The following CAVIN2 variants were observed in gnomAD, a reference collection of about 807,000 sequenced individuals.
CAVIN2 encodes the protein caveolae-associated protein 2.
In CAVIN2, 13 loss-of-function variants were observed where a neutral mutation model predicts 11.7. The ratio of observed to expected loss-of-function variants is 1.11; its 90% confidence interval spans 0.72 to 1.77. CAVIN2 has a LOEUF of 1.77. CAVIN2 is among the 40% of genes most tolerant of loss of function. The pLI, the probability that CAVIN2 is intolerant of heterozygous loss-of-function variation, is 0.00. For missense variants in CAVIN2, 549 were observed against 542.9 expected, an observed-to-expected ratio of 1.01 and a Z score of -0.11; for synonymous variants, 237 against 223.2, an observed-to-expected ratio of 1.06 and a Z score of -0.55.
In CAVIN2 at chr2:191,834,677, T is replaced by G. The variant is rs965060225; in HGVS notation, c.*1246A>C. ...TAAAATTACCCTGTCTGAATATATG[T>G]GTACATATACATAAAACGCTAGCAT... On this transcript the variant is annotated 3_prime_UTR_variant, in exon 2 of 2. Coordinates refer to ENST00000304141, the MANE Select transcript of CAVIN2 (RefSeq NM_004657.6). The G allele has an allele frequency of 2.0e-5, 3 of 152,192 alleles. No individual in the cohort carries two copies. Among genetic ancestry groups the G allele is most frequent in the African/African-American group, 7.2e-5 (3 of 41,460 alleles). The allele number at this position is 152,192 out of a possible 1,614,324, so 9.4% of individuals were successfully genotyped here.
intron 1 of CAVIN2, among the ~76,000 whole-genome samples, chr2:191,841,974 C>T (rs1455779531): frequency 6.6e-6 from 1 of 152,164 alleles, no homozygotes; most frequent in Non-Finnish European, 1.5e-5. Context: ...CATATGGGAA[C>T]ATTGTAGCGT....
At position 191,846,953 on chromosome 2, in the gene CAVIN2, C is replaced by G. The variant is rs781520884; in HGVS notation, c.-28G>C. 1 of 1,565,988 alleles carries G rather than the reference C, an allele frequency of 6.4e-7. No homozygotes were observed. The highest frequency in any genetic ancestry group is 1.4e-5 in the African/African-American group (1 of 73,348). ...CTAGGCAGGTGGGAACGTTCTTTCT[C>G]TCTGGGAGCTGCTTCTTGCTCGGGT... On this transcript the variant is annotated 5_prime_UTR_variant, in exon 1 of 2. Transcript: ENST00000304141.
At chr2:191,844,100 C>A (rs1389476343) in intron 1 of CAVIN2, among the ~76,000 whole-genome samples, 9 of 152,114 alleles carry the variant, frequency 5.9e-5, no homozygotes, top group African/African-American at 1.9e-4. Context: ...TTATTAATAT[C>A]ATCAGTGTAT....
At position 191,846,718 on chromosome 2, in the gene CAVIN2, C is replaced by A; in HGVS notation, c.208G>T (p.Asp70Tyr). Residue 70 changes from aspartate to tyrosine, a missense_variant, in exon 1 of 2, where the codon GAC becomes TAC. Coordinates refer to ENST00000304141, the MANE Select transcript of CAVIN2 (RefSeq NM_004657.6). ...TTGTGCTGGTTCTCCTGCACAGCGT[C>A]TAGCATGTTCACCAGCTTGTCCAGG... Reference protein sequence around the residue: ...TLLDKLVNMLDAVQENQHKME... With the variant: ...TLLDKLVNMLYAVQENQHKME... 1 of 1,614,214 alleles carries A rather than the reference C, an allele frequency of 6.2e-7. No individual in the cohort carries two copies. The highest frequency in any genetic ancestry group is 8.5e-7 in the Non-Finnish European group (1 of 1,180,036).
intron 1 of CAVIN2, among the ~76,000 whole-genome samples, chr2:191,838,019 G>C (rs1212443259): frequency 6.6e-6 from 1 of 152,198 alleles, no homozygotes; most frequent in Non-Finnish European, 1.5e-5. Flanking sequence ...AATGCCAGAG[G>C]GGGGCAAAGC....
At chr2:191,837,195 C>A (rs1201971448) in intron 1 of CAVIN2, among the ~76,000 whole-genome samples, 1 of 152,190 alleles carries the variant, frequency 6.6e-6, no homozygotes, top group Non-Finnish European at 1.5e-5. Flanking sequence ...GTACCAGACA[C>A]ACACACATAA....
At chr2:191,842,504 C>T (rs2105737220) in intron 1 of CAVIN2, among the ~76,000 whole-genome samples, 1 of 152,260 alleles carries the variant, frequency 6.6e-6, no homozygotes, top group East Asian at 1.9e-4. Context: ...TCTATTTTTT[C>T]TTTTAGTAAA....
intron 1 of CAVIN2, among the ~76,000 whole-genome samples, chr2:191,841,612 G>C (rs1377579622): frequency 6.6e-6 from 1 of 152,140 alleles, no homozygotes; most frequent in Non-Finnish European, 1.5e-5. Context: ...TGATTCCATA[G>C]TGTACTGATA....
Position 191,835,050 on chromosome 2 carries a change from G to A in CAVIN2, c.*873C>T, listed in dbSNP as rs1165546979. On this transcript the variant is annotated 3_prime_UTR_variant, in exon 2 of 2. Transcript: ENST00000304141. ...TCCTTTATTTATTAAGAAAAATACA[G>A]CTTTAACACTATAAAATGTTTATTA... The A allele has an allele frequency of 3.3e-5, 5 of 151,864 alleles. No individual in the cohort carries two copies. Among genetic ancestry groups the A allele is most frequent in the Admixed American group, 6.6e-5 (1 of 15,252 alleles). The allele number at this position is 151,864 out of a possible 1,614,324, so 9.4% of individuals were successfully genotyped here.
At chr2:191,841,879 TA>T (rs1311757977) in intron 1 of CAVIN2, among the ~76,000 whole-genome samples, 1 of 152,200 alleles carries the variant, frequency 6.6e-6, no homozygotes, top group Non-Finnish European at 1.5e-5. Context: ...TCACTAAATG[TA>T]AATAATAACA....
At chr2:191,841,150 A>T (rs1003087864) in intron 1 of CAVIN2, among the ~76,000 whole-genome samples, 1 of 152,210 alleles carries the variant, frequency 6.6e-6, no homozygotes, top group Non-Finnish European at 1.5e-5. Context: ...AAGTCATAAG[A>T]ATAAAATGCA....
At chr2:191,843,597 A>T (rs950475679) in intron 1 of CAVIN2, among the ~76,000 whole-genome samples, 4 of 152,122 alleles carry the variant, frequency 2.6e-5, no homozygotes, top group African/African-American at 9.7e-5. Context: ...CTTTGCTTTC[A>T]TGGAGATGAG....
chr2:191,843,386 A>G (rs748906604), intron 1 of CAVIN2, among the ~76,000 whole-genome samples: 30 of 152,172 alleles, frequency 2.0e-4, no homozygotes, highest in Non-Finnish European at 4.0e-4. Context: ...TAAATTAGAA[A>G]CAGTAGATTT....
chr2:191,847,028 C>T lies in CAVIN2; in HGVS notation c.-103G>A. Reference sequence around the variant, plus strand: ...AGGATGAGGCCCGCTGGTTGGAGCTCAGGGCACCAGTCTCCAGGACTGGCA... The same window carrying T: ...AGGATGAGGCCCGCTGGTTGGAGCTTAGGGCACCAGTCTCCAGGACTGGCA... On this transcript the variant is annotated 5_prime_UTR_variant, in exon 1 of 2. Transcript: ENST00000304141. 1.4e-6 allele frequency: 2 copies of T among 1,432,372 alleles called. No homozygotes were observed. Among genetic ancestry groups the T allele is most frequent in the Admixed American group, 4.7e-5 (2 of 42,836 alleles). The allele number at this position is 1,432,372 out of a possible 1,614,324, so 88.7% of individuals were successfully genotyped here.
At position 191,846,953 on chromosome 2, in the gene CAVIN2, C is replaced by T. The variant is rs781520884; in HGVS notation, c.-28G>A. 1.9e-6 allele frequency: 3 copies of T among 1,566,104 alleles called. No homozygotes were observed. Among genetic ancestry groups the T allele is most frequent in the Non-Finnish European group, 2.6e-6 (3 of 1,160,454 alleles). On this transcript the variant is annotated 5_prime_UTR_variant, in exon 1 of 2. Coordinates refer to ENST00000304141, the MANE Select transcript of CAVIN2 (RefSeq NM_004657.6). ...CTAGGCAGGTGGGAACGTTCTTTCT[C>T]TCTGGGAGCTGCTTCTTGCTCGGGT...
chr2:191,834,738 A>C lies in CAVIN2; in HGVS notation c.*1185T>G, dbSNP rs893585174. Reference sequence around the variant, plus strand: ...GTTAAGAAATATTAATATTCTGTGAAATTAATATGTAAATAAAATATAATC... The same window carrying C: ...GTTAAGAAATATTAATATTCTGTGACATTAATATGTAAATAAAATATAATC... On this transcript the variant is annotated 3_prime_UTR_variant, in exon 2 of 2. Transcript: ENST00000304141. 2.6e-5 allele frequency: 4 copies of C among 152,176 alleles called. No homozygotes were observed. The highest frequency in any genetic ancestry group is 4.4e-5 in the Non-Finnish European group (3 of 67,994). 9.4% of individuals were successfully genotyped at this position (152,176 alleles called of 1,614,324 possible). A position where few individuals can be genotyped will look rare whatever the true frequency, so the allele number is the denominator to read the frequency against.
rs887676325 is a variant in CAVIN2 at position 191,835,479 on chromosome 2, T to C, written c.*444A>G. 3 of 158,270 alleles carry C rather than the reference T, an allele frequency of 1.9e-5. No individual in the cohort carries two copies. Among genetic ancestry groups the C allele is most frequent in the African/African-American group, 7.2e-5 (3 of 41,572 alleles). 9.8% of individuals were successfully genotyped at this position (158,270 alleles called of 1,614,324 possible). Reference sequence around the variant, plus strand: ...TATGTTTAGCTTACATATTTATGTATATTATATATCAACACTTAAAGAATA... The same window carrying C: ...TATGTTTAGCTTACATATTTATGTACATTATATATCAACACTTAAAGAATA... On this transcript the variant is annotated 3_prime_UTR_variant, in exon 2 of 2. Coordinates refer to ENST00000304141, the MANE Select transcript of CAVIN2 (RefSeq NM_004657.6).
At position 191,836,709 on chromosome 2, in the gene CAVIN2, A is replaced by T; in HGVS notation, c.492T>A (p.Asn164Lys). 1 of 1,610,242 alleles carries T rather than the reference A, an allele frequency of 6.2e-7. No individual in the cohort carries two copies. Among genetic ancestry groups the T allele is most frequent in the Non-Finnish European group, 8.5e-7 (1 of 1,177,524 alleles). The part of the protein sequence containing the change: ...HFKVLIFQEE[N>K]EIPASVFVKQ... Reference sequence around the variant, plus strand: ...TCACAAACACGCTGGCAGGGATCTCATTTTCCTCCTGAAAAGACGGACAAT... The same window carrying T: ...TCACAAACACGCTGGCAGGGATCTCTTTTTCCTCCTGAAAAGACGGACAAT... The change falls in exon 2 of 2, where the codon AAT (asparagine) becomes AAA (lysine). Residue 164 changes from asparagine (N) to lysine (K), a missense_variant. By Grantham distance (94) the Asn-to-Lys change is moderately conservative. Transcript: ENST00000304141.
rs1204099432 is a variant in CAVIN2, at chr2:191,835,444, CAT to C, written c.*477_*478del. 1.3e-5 allele frequency: 2 copies of C among 152,994 alleles called. No individual in the cohort carries two copies. The highest frequency in any genetic ancestry group is 2.9e-5 in the Non-Finnish European group (2 of 68,696). The allele number at this position is 152,994 out of a possible 1,614,324, so 9.5% of individuals were successfully genotyped here. A position where few individuals can be genotyped will look rare whatever the true frequency, so the allele number is the denominator to read the frequency against. ...TTTCGTAGATGTTTTCTTCTTAAAA[CAT>C]ATAGTTATATGTTTAGCTTACATAT... On this transcript the variant is annotated 3_prime_UTR_variant, in exon 2 of 2. Coordinates refer to ENST00000304141, the MANE Select transcript of CAVIN2 (RefSeq NM_004657.6).
Sources: allele counts gnomAD v4.1 joint callset (sites outside exome capture counted in the v4.1 genomes callset), GRCh38; gene constraint gnomAD v4.1.1; transcripts MANE v1.5; gene names NCBI Gene and HGNC (gene_info 2026-07-23, HGNC 2026-07-21).